The following PCSK5 variants were observed in gnomAD, a reference collection of about 807,000 sequenced individuals.
The protein encoded by PCSK5 is prohormone convertase 5.
Under a neutral mutation model 233.2 loss-of-function variants are expected in PCSK5, and 129 were observed. That is an observed-to-expected ratio of 0.55 (90% CI 0.48 to 0.64). The LOEUF (loss-of-function observed/expected upper bound fraction) is 0.64. Among genes scored for constraint, PCSK5 ranks in the 30% least tolerant of loss-of-function variants. PCSK5 has a pLI of 0.00. For synonymous variants in PCSK5, 825 were observed against 879.2 expected, an observed-to-expected ratio of 0.94 and a Z score of 1.09; for missense variants, 2,076 against 2,430.1, an observed-to-expected ratio of 0.85 and a Z score of 3.06.
intron 24 of PCSK5, among the ~76,000 whole-genome samples, chr9:76,261,659 G>A (rs1827178807): frequency 6.6e-6 from 1 of 152,148 alleles, no homozygotes; most frequent in African/African-American, 2.4e-5. Flanking sequence ...TCTTCCATTT[G>A]TTTGTTTCCT....
chr9:75,988,687 A>T (rs1046424645), intron 3 of PCSK5, among the ~76,000 whole-genome samples: 1 of 152,172 alleles, frequency 6.6e-6, no homozygotes, highest in African/African-American at 2.4e-5. Context: ...AAGTGTTGGG[A>T]TTACATGTGT....
At chr9:75,992,255 G>A (rs909942188) in intron 3 of PCSK5, among the ~76,000 whole-genome samples, 1 of 152,098 alleles carries the variant, frequency 6.6e-6, no homozygotes. Context: ...ATACATTGAG[G>A]GGTTTCTCCC....
chr9:75,908,907 CTATCTATCTATCTA>C (rs1822548228), intron 1 of PCSK5, among the ~76,000 whole-genome samples: 1 of 131,324 alleles, frequency 7.6e-6, no homozygotes, highest in African/African-American at 3.0e-5. Context: ...ATCTATCTAT[CTATCTATCTATCTA>C]TCTCTCTATC....
intron 7 of PCSK5, among the ~76,000 whole-genome samples, chr9:76,091,366 A>T (rs1571792): frequency 6.6e-6 from 1 of 151,636 alleles, no homozygotes; most frequent in Non-Finnish European, 1.5e-5. Context: ...GAGCTCTGTT[A>T]TCTCTTCCTC....
intron 10 of PCSK5, among the ~76,000 whole-genome samples, chr9:76,139,005 G>A (rs1338744): frequency 0.26 from 38,625 of 151,190 alleles, 5,924 homozygotes; most frequent in East Asian, 0.59. Context: ...ATTACCAACC[G>A]TGGGGAAAAC....
chr9:76,340,444 G>A (rs1215542116), intron 35 of PCSK5, among the ~76,000 whole-genome samples: 2 of 151,870 alleles, frequency 1.3e-5, no homozygotes, highest in African/African-American at 2.4e-5. Flanking sequence ...TCAGGAGTTC[G>A]AGACCAGCCT....
In PCSK5 at chr9:76,168,714, T is replaced by C. The variant is rs533720064; in HGVS notation, c.1620-990T>C. Among the ~76,000 whole-genome samples, 27 of 152,336 alleles carry C rather than the reference T, an allele frequency of 1.8e-4. No homozygotes were observed. The South Asian group carries it at 5.6e-3, about 32-fold the overall frequency. Reference sequence around the variant, plus strand: ...ATAAGATTAGTGGGCAGTCTTTTTATTGAAGCATAATTTACCTACAATGTA... The same window carrying C: ...ATAAGATTAGTGGGCAGTCTTTTTACTGAAGCATAATTTACCTACAATGTA... On this transcript the variant is annotated intron_variant, in intron 12 of 37. Transcript: ENST00000674117.
intron 9 of PCSK5, among the ~76,000 whole-genome samples, chr9:76,110,280 C>A (rs990441870): frequency 2.0e-5 from 3 of 152,198 alleles, no homozygotes; most frequent in African/African-American, 7.2e-5. Flanking sequence ...GAATGAAAAG[C>A]TGCAAGAGTC....
chr9:76,300,596 A>G (rs1828569982), intron 27 of PCSK5, among the ~76,000 whole-genome samples: 1 of 152,176 alleles, frequency 6.6e-6, no homozygotes, highest in Non-Finnish European at 1.5e-5. Flanking sequence ...GCACACCATT[A>G]TTTTGGCTTC....
intron 9 of PCSK5, among the ~76,000 whole-genome samples, chr9:76,115,237 G>A (rs1832377965): frequency 6.6e-6 from 1 of 151,974 alleles, no homozygotes; most frequent in Non-Finnish European, 1.5e-5. Flanking sequence ...AAATTTCTCT[G>A]GCAATTATTG....
rs191583886 is a variant in PCSK5, at chr9:76,224,345, T to C, written c.2627-3158T>C. Among the ~76,000 whole-genome samples, 22 of 151,678 alleles carry C rather than the reference T, an allele frequency of 1.5e-4. No individual in the cohort carries two copies. In the East Asian group the frequency reaches 4.3e-3, roughly 29 times the overall value. ...GGGAATTGACAATAGCCAGGAAGAG[T>C]GGCAGACCTTTCTTTTGGAGACAGA... is the stretch of plus-strand genomic sequence containing the variant. On this transcript the variant is annotated intron_variant, in intron 20 of 37. Transcript: ENST00000674117.
intron 1 of PCSK5, among the ~76,000 whole-genome samples, chr9:75,896,185 G>C (rs923142947): frequency 6.6e-6 from 1 of 152,182 alleles, no homozygotes; most frequent in African/African-American, 2.4e-5. Flanking sequence ...GGGATAGTAG[G>C]GGAACCTTTG....
intron 11 of PCSK5, among the ~76,000 whole-genome samples, chr9:76,158,491 T>C (rs907726181): frequency 3.3e-5 from 5 of 152,074 alleles, no homozygotes; most frequent in African/African-American, 1.2e-4. Flanking sequence ...TGAGAACCTA[T>C]AGACAAGAGG....
intron 20 of PCSK5, among the ~76,000 whole-genome samples, chr9:76,220,198 G>A (rs1382242432): frequency 1.3e-5 from 2 of 152,158 alleles, no homozygotes; most frequent in Non-Finnish European, 2.9e-5. Context: ...TCAATGAGAA[G>A]CTTTGTAAAT....
intron 9 of PCSK5, among the ~76,000 whole-genome samples, chr9:76,115,064 CAA>C (rs1213604330): frequency 6.6e-6 from 1 of 152,048 alleles, no homozygotes; most frequent in Non-Finnish European, 1.5e-5. Flanking sequence ...GCAAAAAAAT[CAA>C]GATCTAGTTT....
chr9:76,056,043 A>G (rs1018546449), intron 5 of PCSK5, among the ~76,000 whole-genome samples: 1 of 152,188 alleles, frequency 6.6e-6, no homozygotes, highest in Non-Finnish European at 1.5e-5. Flanking sequence ...GCTTAGATTC[A>G]TACAAAATTT....
Position 76,332,601 on chromosome 9 carries a change from G to A in PCSK5, c.4739G>A (p.Cys1580Tyr). Residue 1580 changes from cysteine to tyrosine, a missense_variant, in exon 34 of 38, where the codon TGC becomes TAC. Transcript: ENST00000674117. ...FQLGKECLLQCREGYYADNST... is the reference protein window; with the variant it reads ...FQLGKECLLQYREGYYADNST... ...CTAGGAAAAGAGTGCCTGCTCCAGT[G>A]CAGGGAAGGGTAAGTGCTCAATACA... 1 of 1,583,862 alleles carries A rather than the reference G, an allele frequency of 6.3e-7. No homozygotes were observed.
chr9:75,919,360 G>C (rs112715718), intron 1 of PCSK5, among the ~76,000 whole-genome samples: 6 of 152,148 alleles, frequency 3.9e-5, no homozygotes, highest in African/African-American at 1.4e-4. Context: ...TCCACCAGCT[G>C]TAGGGCATTG....
chr9:76,010,030 A>T (rs770286728), intron 3 of PCSK5, among the ~76,000 whole-genome samples: 2 of 152,176 alleles, frequency 1.3e-5, no homozygotes, highest in African/African-American at 2.4e-5. Context: ...ACAACTACCG[A>T]TGAAGTTGAT....
Sources: gnomAD v4.1 joint callset for allele counts (sites outside exome capture counted in the v4.1 genomes callset) on GRCh38, gnomAD v4.1.1 for gene constraint, MANE v1.5 for transcripts, NCBI Gene and HGNC (gene_info 2026-07-23, HGNC 2026-07-21) for gene names.